The following KCNB2 variants were observed in gnomAD, a reference collection of about 807,000 sequenced individuals.
The protein encoded by KCNB2 is delayed rectifier potassium channel protein.
KCNB2 carries 15 observed loss-of-function variants against 61.5 expected under a neutral mutation model. The observed-to-expected ratio is 0.24, with a 90% CI of 0.16 to 0.38. The LOEUF is 0.38. Among genes scored for constraint, KCNB2 ranks in the 10% least tolerant of loss-of-function variants. The pLI, the probability that KCNB2 is intolerant of heterozygous loss-of-function variation, is 1.00. For missense variants in KCNB2, 828 were observed against 1,125.2 expected (o/e 0.74, Z 3.78); for synonymous variants, 457 against 446.0 (o/e 1.02, Z -0.31).
At chr8:72,691,407 C>T (rs1308119913) in intron 2 of KCNB2, among the ~76,000 whole-genome samples, 2 of 152,314 alleles carry the variant, frequency 1.3e-5, no homozygotes, top group East Asian at 3.9e-4. Context: ...TGGAAAACTC[C>T]TTCCAGCTGA....
At chr8:72,699,324 T>G (rs1266268443) in intron 2 of KCNB2, among the ~76,000 whole-genome samples, 2 of 152,170 alleles carry the variant, frequency 1.3e-5, no homozygotes, top group Non-Finnish European at 2.9e-5. Context: ...TGGTTTTGAT[T>G]TGCATTTCTC....
chr8:72,792,692 A>G (rs1254298989), intron 2 of KCNB2, among the ~76,000 whole-genome samples: 4 of 152,342 alleles, frequency 2.6e-5, no homozygotes, highest in Non-Finnish European at 5.9e-5. Flanking sequence ...AGAGGGTTCT[A>G]TGGTACAACT....
intron 2 of KCNB2, among the ~76,000 whole-genome samples, chr8:72,886,853 A>G (rs1260838525): frequency 6.6e-6 from 1 of 152,250 alleles, no homozygotes; most frequent in Non-Finnish European, 1.5e-5. Flanking sequence ...GTGGCACTGA[A>G]GAGAGACGAA....
intron 2 of KCNB2, among the ~76,000 whole-genome samples, chr8:72,888,967 A>G (rs1323654799): frequency 6.6e-6 from 1 of 152,168 alleles, no homozygotes; most frequent in Non-Finnish European, 1.5e-5. Flanking sequence ...AGTTTGTATA[A>G]CACTAACTCT....
At chr8:72,720,617 ACT>A (rs2128992720) in intron 2 of KCNB2, among the ~76,000 whole-genome samples, 1 of 150,978 alleles carries the variant, frequency 6.6e-6, no homozygotes, top group East Asian at 2.0e-4. Flanking sequence ...AGTTGTCTGC[ACT>A]CTCTCCCCTA....
chr8:72,654,004 CAA>C (rs1238046838), intron 2 of KCNB2, among the ~76,000 whole-genome samples: 2 of 152,088 alleles, frequency 1.3e-5, no homozygotes, highest in Non-Finnish European at 2.9e-5. Flanking sequence ...TCTGTTAAGA[CAA>C]GATTAGAGAA....
In KCNB2 at chr8:72,570,433, A is replaced by G. The variant is rs147644701; in HGVS notation, c.579+2120A>G. Among the ~76,000 whole-genome samples, 1,110 of 152,244 alleles carry G rather than the reference A, an allele frequency of 7.3e-3. 11 individuals carry two copies. Among genetic ancestry groups the G allele is most frequent in the Non-Finnish European group, 0.01 (701 of 67,994 alleles). On this transcript the variant is annotated intron_variant, in intron 2 of 2. Coordinates refer to ENST00000523207, the MANE Select transcript of KCNB2 (RefSeq NM_004770.3). Reference sequence around the variant, plus strand: ...TGAATAGTGAAATATTATGGAAAGTATTTACATTTGATTATATAGTAGTTT... The same window carrying G: ...TGAATAGTGAAATATTATGGAAAGTGTTTACATTTGATTATATAGTAGTTT...
At chr8:72,935,501 T>G (rs35339929) in intron 2 of KCNB2, among the ~76,000 whole-genome samples, 20,751 of 152,182 alleles carry the variant, frequency 0.14, 3,333 homozygotes, top group East Asian at 0.79. Flanking sequence ...GAGTTTATAT[T>G]TTTAATTGTA....
chr8:72,708,484 T>G (rs756501600), intron 2 of KCNB2, among the ~76,000 whole-genome samples: 1 of 152,204 alleles, frequency 6.6e-6, no homozygotes, highest in Admixed American at 6.5e-5. Context: ...TTGCCATTGA[T>G]TTCAGAGAAT....
At chr8:72,638,486 G>T (rs1299054708) in intron 2 of KCNB2, among the ~76,000 whole-genome samples, 1 of 152,130 alleles carries the variant, frequency 6.6e-6, no homozygotes, top group Non-Finnish European at 1.5e-5. Flanking sequence ...GTTCTTCACA[G>T]TTGAAGGTAA....
intron 2 of KCNB2, among the ~76,000 whole-genome samples, chr8:72,646,263 T>C (rs1806127245): frequency 6.6e-6 from 1 of 152,182 alleles, no homozygotes; most frequent in African/African-American, 2.4e-5. Context: ...TTGCTTTGTG[T>C]ATTTGCATTT....
At position 72,692,781 on chromosome 8, in the gene KCNB2, A is replaced by T. The variant is rs532233607; in HGVS notation, c.579+124468A>T. On this transcript the variant is annotated intron_variant, in intron 2 of 2. Transcript: ENST00000523207. ...TTCATTATATTTTAATTATTATTTA[A>T]TTATTTATTTATTTATTATTTTGTA... 2.7e-3 allele frequency among the ~76,000 whole-genome samples: 404 copies of T among 148,736 alleles called. 2 individuals carry two copies. The highest frequency in any genetic ancestry group is 5.2e-3 in the Admixed American group (78 of 14,884).
chr8:72,817,374 T>G (rs1423357544), intron 2 of KCNB2, among the ~76,000 whole-genome samples: 1 of 152,142 alleles, frequency 6.6e-6, no homozygotes, highest in Non-Finnish European at 1.5e-5. Context: ...TACTGCCTAC[T>G]TCGGATGTCA....
At chr8:72,627,024 A>C (rs575527565) in intron 2 of KCNB2, among the ~76,000 whole-genome samples, 3 of 152,312 alleles carry the variant, frequency 2.0e-5, no homozygotes, top group Non-Finnish European at 4.4e-5. Flanking sequence ...TATTTATCAA[A>C]TATTTAGAAG....
At chr8:72,812,982 G>A (rs1809329859) in intron 2 of KCNB2, among the ~76,000 whole-genome samples, 1 of 152,064 alleles carries the variant, frequency 6.6e-6, no homozygotes, top group Admixed American at 6.6e-5. Context: ...TTAACTATAT[G>A]GTAAAATTCC....
rs374824294 is a variant in KCNB2, at chr8:72,765,565, A to G, written c.580-170370A>G. Among the ~76,000 whole-genome samples the G allele has an allele frequency of 1.3e-3, 203 of 152,328 alleles. 1 individual carries two copies. Among genetic ancestry groups the G allele is most frequent in the African/African-American group, 4.6e-3 (193 of 41,576 alleles). On this transcript the variant is annotated intron_variant, in intron 2 of 2. Coordinates refer to ENST00000523207, the MANE Select transcript of KCNB2 (RefSeq NM_004770.3). ...ATTTAAATTGTGTGTGTTGTCAGCA[A>G]TTTTGAGGGTCAGAATAAGTTTAAT...
intron 2 of KCNB2, among the ~76,000 whole-genome samples, chr8:72,809,591 T>G (rs910598615): frequency 6.6e-6 from 1 of 152,164 alleles, no homozygotes; most frequent in Non-Finnish European, 1.5e-5. Flanking sequence ...AAATACATCT[T>G]TAAAACGAAT....
At chr8:72,690,331 G>A (rs2128989982) in intron 2 of KCNB2, among the ~76,000 whole-genome samples, 1 of 152,246 alleles carries the variant, frequency 6.6e-6, no homozygotes, top group East Asian at 1.9e-4. Flanking sequence ...CTCCCAAGAA[G>A]CAAATTGCTC....
In KCNB2 at chr8:72,756,490, G is replaced by A. The variant is rs181221707; in HGVS notation, c.580-179445G>A. ...TTGGCTACATACTTGAATCACCTATGGAGTTTTTAAAATTCCAATGCCTAG... is the reference window on the plus strand; with the variant it reads ...TTGGCTACATACTTGAATCACCTATAGAGTTTTTAAAATTCCAATGCCTAG... On this transcript the variant is annotated intron_variant, in intron 2 of 2. Transcript: ENST00000523207. Among the ~76,000 whole-genome samples the A allele has an allele frequency of 8.0e-4, 122 of 152,244 alleles. 1 individual carries two copies. Among genetic ancestry groups the A allele is most frequent in the African/African-American group, 2.7e-3 (112 of 41,550 alleles).
Sources: allele counts gnomAD v4.1 joint callset (sites outside exome capture counted in the v4.1 genomes callset), GRCh38; gene constraint gnomAD v4.1.1; transcripts MANE v1.5; gene names NCBI Gene and HGNC (gene_info 2026-07-23, HGNC 2026-07-21).